PRKCQ: variants seen among roughly 807,000 people sequenced by gnomAD.
The protein encoded by PRKCQ is protein kinase C theta type.
Under a neutral mutation model 91.2 loss-of-function variants are expected in PRKCQ, and 41 were observed. The observed-to-expected ratio is 0.45, with a 90% CI of 0.35 to 0.58. The LOEUF (loss-of-function observed/expected upper bound fraction) is 0.58, where lower values mean the gene tolerates loss of function less well. PRKCQ is among the 20% of genes least tolerant of loss of function. The pLI is 0.00. For missense variants in PRKCQ, 673 were observed against 896.5 expected (o/e 0.75, Z 3.18); for synonymous variants, 307 against 316.9 (o/e 0.97, Z 0.33).
chr10:6,506,829 G>T (rs191243315), intron 4 of PRKCQ, among the ~76,000 whole-genome samples: 19 of 152,170 alleles, frequency 1.2e-4, no homozygotes, highest in Admixed American at 1.2e-3. Flanking sequence ...CTAAGTAGGG[G>T]GATTTGATTC....
chr10:6,537,107 G>A (rs1377524242), intron 1 of PRKCQ, among the ~76,000 whole-genome samples: 2 of 152,212 alleles, frequency 1.3e-5, no homozygotes, highest in African/African-American at 4.8e-5. Context: ...GGATGCAGAA[G>A]AGGCGGTTTG....
At chr10:6,404,595 C>T in the PRKCQ span, among the ~76,000 whole-genome samples, 1 of 135,204 alleles carries the variant, frequency 7.4e-6, no homozygotes, top group East Asian at 2.2e-4. Flanking sequence ...TTCTTTTTTT[C>T]TCTCTCTCTT....
the PRKCQ span, among the ~76,000 whole-genome samples, chr10:6,416,519 C>T: frequency 3.9e-5 from 6 of 152,142 alleles, no homozygotes; most frequent in African/African-American, 1.4e-4. Context: ...TAGCTCCATC[C>T]AAGTTGCTGC....
chr10:6,578,389 G>C (rs922716844), intron 1 of PRKCQ, among the ~76,000 whole-genome samples: 1 of 152,246 alleles, frequency 6.6e-6, no homozygotes, highest in Non-Finnish European at 1.5e-5. Context: ...TGGGTGACAA[G>C]AGTCTTGCCT....
chr10:6,482,618 T>G (rs981124171), intron 11 of PRKCQ, among the ~76,000 whole-genome samples: 1 of 152,268 alleles, frequency 6.6e-6, no homozygotes, highest in Middle Eastern at 3.4e-3. Context: ...CCAGCCAGTA[T>G]GTGAGATTTT....
intron 1 of PRKCQ, among the ~76,000 whole-genome samples, chr10:6,529,244 G>A (rs1038636719): frequency 2.6e-5 from 4 of 152,168 alleles, no homozygotes; most frequent in African/African-American, 9.7e-5. Context: ...TTCTAACCAT[G>A]GTTAGGATAA....
chr10:6,546,974 A>C (rs376018002), intron 1 of PRKCQ, among the ~76,000 whole-genome samples: 4 of 152,170 alleles, frequency 2.6e-5, no homozygotes, highest in East Asian at 3.8e-4. Context: ...GCCTTTTCTG[A>C]ATCTATTGAG....
At chr10:6,534,267 G>T (rs1839494600) in intron 1 of PRKCQ, among the ~76,000 whole-genome samples, 1 of 151,998 alleles carries the variant, frequency 6.6e-6, no homozygotes, top group African/African-American at 2.4e-5. Flanking sequence ...GATTCCAAAT[G>T]CCAAAAAGCT....
intron 1 of PRKCQ, among the ~76,000 whole-genome samples, chr10:6,574,229 T>G (rs933006707): frequency 1.3e-5 from 2 of 152,216 alleles, no homozygotes; most frequent in African/African-American, 4.8e-5. Context: ...ATAGGTGAGT[T>G]TGCAGTGCAA....
rs1179871042 is a variant in PRKCQ, at chr10:6,558,379, G to GT, written c.-10+21831dup. On this transcript the variant is annotated intron_variant, in intron 1 of 17. Transcript: ENST00000263125. Reference sequence around the variant, plus strand: ...GTAAACAGACATACAGTACTATTTTGTTTTTTTTAAAAAAGGCTTAGTAAA... The same window carrying GT: ...GTAAACAGACATACAGTACTATTTTGTTTTTTTTTAAAAAAGGCTTAGTAAA... Among the ~76,000 whole-genome samples, 288 of 151,842 alleles carry GT rather than the reference G, an allele frequency of 1.9e-3. 1 individual carries two copies. The highest frequency in any genetic ancestry group is 6.6e-3 in the African/African-American group (275 of 41,384).
intron 7 of PRKCQ, among the ~76,000 whole-genome samples, chr10:6,492,687 AAC>A (rs1455328129): frequency 6.6e-6 from 1 of 152,226 alleles, no homozygotes; most frequent in African/African-American, 2.4e-5. Context: ...TTTTTTAAAA[AAC>A]AGTTTTCCAG....
At chr10:6,467,389 C>CAGAGAGAGAGAGAG (rs1160599680) in intron 12 of PRKCQ, among the ~76,000 whole-genome samples, 12 of 27,784 alleles carry the variant, frequency 4.3e-4, no homozygotes, top group African/African-American at 1.6e-3. Flanking sequence ...GAGAGACAGA[C>CAGAGAGAGAGAGAG]AGAGAGAGAG....
At chr10:6,489,189 G>A (rs937617296) in intron 8 of PRKCQ, among the ~76,000 whole-genome samples, 1 of 152,078 alleles carries the variant, frequency 6.6e-6, no homozygotes, top group Admixed American at 6.6e-5. Flanking sequence ...GAAGGTGTCA[G>A]GTTTCAACTT....
At chr10:6,538,542 C>T (rs1244307718) in intron 1 of PRKCQ, among the ~76,000 whole-genome samples, 1 of 152,242 alleles carries the variant, frequency 6.6e-6, no homozygotes, top group African/African-American at 2.4e-5. Flanking sequence ...TGCCCCCTCC[C>T]TGGCTCCTCC....
chr10:6,578,423 A>G (rs1299197025), intron 1 of PRKCQ, among the ~76,000 whole-genome samples: 2 of 152,248 alleles, frequency 1.3e-5, no homozygotes, highest in African/African-American at 2.4e-5. Context: ...TTTAAAGTGT[A>G]GAAGAAAATC....
At chr10:6,559,991 C>CA (rs1392349184) in intron 1 of PRKCQ, among the ~76,000 whole-genome samples, 2 of 151,892 alleles carry the variant, frequency 1.3e-5, no homozygotes, top group African/African-American at 2.4e-5. Context: ...CTTTCTACTC[C>CA]AAAAAAAAGT....
intron 1 of PRKCQ, among the ~76,000 whole-genome samples, chr10:6,566,164 G>A (rs374465423): frequency 2.0e-5 from 3 of 152,128 alleles, no homozygotes; most frequent in Non-Finnish European, 2.9e-5. Context: ...CTGTTGCTAC[G>A]GTATTAAATT....
intron 1 of PRKCQ, among the ~76,000 whole-genome samples, chr10:6,556,329 G>A (rs1030376535): frequency 6.6e-6 from 1 of 151,078 alleles, no homozygotes; most frequent in Non-Finnish European, 1.5e-5. Context: ...CTACTCAAGA[G>A]GGTAAGGTGG....
intron 12 of PRKCQ, 141 bp from the exon 13 acceptor site, chr10:6,464,545 C>G: frequency 1.4e-5 from 9 of 658,816 alleles, no homozygotes; most frequent in Non-Finnish European, 2.3e-5. Flanking sequence ...CGCCTCCTGG[C>G]TTCAAGAGAT....
Sources: gnomAD v4.1 joint callset for allele counts (sites outside exome capture counted in the v4.1 genomes callset) on GRCh38, gnomAD v4.1.1 for gene constraint, MANE v1.5 for transcripts, NCBI Gene and HGNC (gene_info 2026-07-23, HGNC 2026-07-21) for gene names.